PTPRO: variants seen among roughly 807,000 people sequenced by gnomAD.
PTPRO encodes protein tyrosine phosphatase receptor type O.
In PTPRO, 62 loss-of-function variants were observed where a neutral mutation model predicts 145.2. That is an observed-to-expected ratio of 0.43 (90% CI 0.35 to 0.53). PTPRO has a LOEUF of 0.53. Ranked by LOEUF, PTPRO falls within the 20% of genes least tolerant of loss-of-function variation. The pLI, the probability that PTPRO is intolerant of heterozygous loss-of-function variation, is 0.01. For missense variants in PTPRO, 1,345 were observed against 1,482.7 expected, an observed-to-expected ratio of 0.91 and a Z score of 1.53; for synonymous variants, 565 against 514.7, an observed-to-expected ratio of 1.10 and a Z score of -1.32.
intron 1 of PTPRO, among the ~76,000 whole-genome samples, chr12:15,364,934 C>G (rs1393801393): frequency 6.6e-6 from 1 of 152,114 alleles, no homozygotes; most frequent in Non-Finnish European, 1.5e-5. Context: ...TGGCCTGGGT[C>G]CAGAAACAAT....
chr12:15,584,617 C>T (rs989102856), intron 23 of PTPRO, among the ~76,000 whole-genome samples: 4 of 152,136 alleles, frequency 2.6e-5, no homozygotes, highest in Non-Finnish European at 4.4e-5. Context: ...TTGTTACAAG[C>T]GTCTGGTACC....
chr12:15,484,173 A>G lies in PTPRO; in HGVS notation c.275A>G (p.Tyr92Cys), dbSNP rs1288543718. 1 of 1,613,626 alleles carries G rather than the reference A, an allele frequency of 6.2e-7. No homozygotes were observed. Among genetic ancestry groups the G allele is most frequent in the South Asian group, 1.1e-5 (1 of 91,062 alleles). ...TTCAAGGCCAGTTATCATGGCCTTTATTATATAATCACTCTGGTAGTGGTA... is the reference window on the plus strand; with the variant it reads ...TTCAAGGCCAGTTATCATGGCCTTTGTTATATAATCACTCTGGTAGTGGTA... ...VIFKASYHGL[Y>C]YIITLVVVNG... Residue 92 changes from tyrosine (Y) to cysteine (C), a missense_variant, in exon 2 of 27, where the codon TAT becomes TGT. Physicochemically the swap from Tyr to Cys is radical, Grantham distance 194 (BLOSUM62 -2). Around this residue, in one of 3 missense-constraint regions of PTPRO, gnomAD observed 1,130 missense variants for 1,214.7 expected, o/e 0.93. Transcript: ENST00000281171.
At position 15,322,563 on chromosome 12, in the gene PTPRO, G is replaced by A. The variant is rs1866324741; in HGVS notation, c.-164G>A. ...TTCTTGGAGGACCCCGGGCGCAGAGGAGGAAAGGGAGCAGGCGCAGGGGGA... is the reference window on the plus strand; with the variant it reads ...TTCTTGGAGGACCCCGGGCGCAGAGAAGGAAAGGGAGCAGGCGCAGGGGGA... On this transcript the variant is annotated 5_prime_UTR_variant, in exon 1 of 27. Transcript: ENST00000281171. The surrounding 1 kb of genome is among the most constrained non-coding windows in gnomAD (Gnocchi z 6.3). The A allele has an allele frequency of 1.4e-6, 1 of 690,660 alleles. No homozygotes were observed. Among genetic ancestry groups the A allele is most frequent in the Non-Finnish European group, 2.6e-6 (1 of 378,968 alleles). The allele number at this position is 690,660 out of a possible 1,614,324, so 42.8% of individuals were successfully genotyped here.
At chr12:15,531,856 G>A (rs985615304) in intron 12 of PTPRO, among the ~76,000 whole-genome samples, 3 of 152,120 alleles carry the variant, frequency 2.0e-5, no homozygotes, top group East Asian at 1.9e-4. Flanking sequence ...TTTTTAAGAT[G>A]TCTGCTAATT....
At chr12:15,566,496 A>T (rs2135597257) in intron 18 of PTPRO, among the ~76,000 whole-genome samples, 1 of 152,046 alleles carries the variant, frequency 6.6e-6, no homozygotes, top group East Asian at 1.9e-4. Context: ...AGTCAATTTC[A>T]TTTTTTATTT....
chr12:15,582,424 A>G (rs1944341005), intron 23 of PTPRO, among the ~76,000 whole-genome samples: 3 of 152,236 alleles, frequency 2.0e-5, no homozygotes, highest in Admixed American at 2.0e-4. Context: ...CTTCAAGAGG[A>G]AAAATCCATT....
rs1364381932 is a variant in PTPRO at position 15,544,591 on chromosome 12, G to C, written c.2165-1978G>C. On this transcript the variant is annotated intron_variant, in intron 12 of 26. Transcript: ENST00000281171. The stretch of plus-strand genomic sequence containing the variant: ...TCTCTGGGACTGAGAAATAAGGGAA[G>C]AGCCTCAGAATTGTGACTGAGGAAC... Among the ~76,000 whole-genome samples the C allele has an allele frequency of 2.0e-5, 3 of 150,990 alleles. No homozygotes were observed. In the East Asian group the frequency reaches 5.8e-4, roughly 29 times the overall value.
chr12:15,587,094 G>A, intron 24 of PTPRO, 43 bp downstream of exon 24: 1 of 1,608,460 alleles, frequency 6.2e-7, no homozygotes, highest in South Asian at 1.1e-5. Context: ...TTAGGAGTTG[G>A]TTTTGTAAGG....
At chr12:15,386,216 T>A (rs1176642942) in intron 1 of PTPRO, among the ~76,000 whole-genome samples, 3 of 152,150 alleles carry the variant, frequency 2.0e-5, no homozygotes, top group South Asian at 2.1e-4. Context: ...ACATAACCAG[T>A]TGCATGAGAT....
intron 1 of PTPRO, among the ~76,000 whole-genome samples, chr12:15,355,604 T>C (rs1014868902): frequency 2.0e-5 from 3 of 152,188 alleles, no homozygotes; most frequent in Non-Finnish European, 4.4e-5. Flanking sequence ...CTAAATTCTA[T>C]TTCTTTCTCC....
At chr12:15,425,010 A>C (rs915722537) in intron 1 of PTPRO, among the ~76,000 whole-genome samples, 2 of 152,134 alleles carry the variant, frequency 1.3e-5, no homozygotes, top group Non-Finnish European at 1.5e-5. Flanking sequence ...CGATGGTCAG[A>C]GACTACAGTC....
intron 1 of PTPRO, among the ~76,000 whole-genome samples, chr12:15,469,768 C>CAAAAAAAAA (rs3085503): frequency 9.1e-6 from 1 of 110,388 alleles, no homozygotes; most frequent in Admixed American, 9.5e-5. Context: ...AGTGTCCTGA[C>CAAAAAAAAA]AAAAAAAAAA....
intron 1 of PTPRO, among the ~76,000 whole-genome samples, chr12:15,361,433 A>G (rs1380264950): frequency 7.8e-6 from 1 of 129,026 alleles, no homozygotes; most frequent in Admixed American, 7.8e-5. Context: ...AGTGAGACTC[A>G]GTCTCAAAAA....
intron 1 of PTPRO, among the ~76,000 whole-genome samples, chr12:15,366,126 G>C (rs1026299711): frequency 1.3e-5 from 2 of 152,052 alleles, no homozygotes; most frequent in Admixed American, 6.6e-5. Flanking sequence ...CAGCTCCTAG[G>C]CGACAAATAT....
intron 20 of PTPRO, among the ~76,000 whole-genome samples, chr12:15,579,209 T>G (rs1339635443): frequency 6.6e-6 from 1 of 152,218 alleles, no homozygotes; most frequent in Admixed American, 6.5e-5. Flanking sequence ...AGAGCCACAG[T>G]CAAATTGGGG....
intron 1 of PTPRO, among the ~76,000 whole-genome samples, chr12:15,386,573 A>C (rs1939036048): frequency 6.6e-6 from 1 of 152,210 alleles, no homozygotes; most frequent in Non-Finnish European, 1.5e-5. Context: ...GTTGTATGGC[A>C]AAAACAGTCA....
rs1939801948 is a variant in PTPRO at position 15,411,575 on chromosome 12, G to GATACAGAATGCTGTC, written c.76-72394_76-72380dup. The stretch of plus-strand genomic sequence containing the variant: ...ACAGTAGCTGTGTATTCGTAGCTGT[G>GATACAGAATGCTGTC]ATACAGAATGCTGTCATACGTCTCA... On this transcript the variant is annotated intron_variant, in intron 1 of 26. Transcript: ENST00000281171. Among the ~76,000 whole-genome samples the GATACAGAATGCTGTC allele has an allele frequency of 2.6e-5, 4 of 152,298 alleles. No homozygotes were observed. In the South Asian group the frequency reaches 8.3e-4, roughly 32 times the overall value.
At chr12:15,509,264 G>A (rs1460594127) in intron 7 of PTPRO, among the ~76,000 whole-genome samples, 2 of 152,000 alleles carry the variant, frequency 1.3e-5, no homozygotes, top group African/African-American at 4.8e-5. Context: ...ACATCACAGA[G>A]CAGGAGACAA....
At chr12:15,423,848 C>T (rs1313969567) in intron 1 of PTPRO, among the ~76,000 whole-genome samples, 1 of 152,154 alleles carries the variant, frequency 6.6e-6, no homozygotes, top group African/African-American at 2.4e-5. Flanking sequence ...GAGTCCATGC[C>T]ATGAATACTG....
Sources: gnomAD v4.1 joint callset for allele counts (sites outside exome capture counted in the v4.1 genomes callset) on GRCh38, gnomAD v4.1.1 for gene constraint, gnomAD v4.1.1 regional missense constraint, Gnocchi (gnomAD v3.1) non-coding constraint, MANE v1.5 for transcripts, NCBI Gene and HGNC (gene_info 2026-07-23, HGNC 2026-07-21) for gene names.